RNF220: variants seen among roughly 807,000 people sequenced by gnomAD.
RNF220 encodes the protein E3 ubiquitin-protein ligase RNF220.
In RNF220, 7 loss-of-function variants were observed where a neutral mutation model predicts 67.1. The observed-to-expected ratio is 0.10, with a 90% CI of 0.06 to 0.20. The LOEUF is 0.20. Ranked by LOEUF, RNF220 falls within the 10% of genes least tolerant of loss-of-function variation. The pLI is 1.00. For synonymous variants in RNF220, 270 were observed against 283.2 expected, an observed-to-expected ratio of 0.95 and a Z score of 0.47; for missense variants, 565 against 740.3, an observed-to-expected ratio of 0.76 and a Z score of 2.75.
At chr1:44,497,386 C>G (rs1328120434) in intron 2 of RNF220, among the ~76,000 whole-genome samples, 1 of 151,532 alleles carries the variant, frequency 6.6e-6, no homozygotes, top group Non-Finnish European at 1.5e-5. Context: ...TTGTTAATAC[C>G]TGGTCATTCT....
chr1:44,434,032 C>T (rs981720619), intron 2 of RNF220, among the ~76,000 whole-genome samples: 1 of 151,964 alleles, frequency 6.6e-6, no homozygotes, highest in African/African-American at 2.4e-5. Flanking sequence ...ATTAAAGAAT[C>T]AAGAAAAGTA....
At chr1:44,644,327 CT>C in intron 8 of RNF220, 1 of 210,386 alleles carries the variant, frequency 4.8e-6, no homozygotes, top group South Asian at 7.9e-5. Flanking sequence ...AGGCCCCACT[CT>C]TTTCCTGTGA....
intron 2 of RNF220, among the ~76,000 whole-genome samples, chr1:44,428,824 T>G (rs560273536): frequency 8.5e-4 from 130 of 152,236 alleles, no homozygotes; most frequent in African/African-American, 3.0e-3. Context: ...TCTATTAAGC[T>G]GATTCTTGGT....
chr1:44,414,055 A>T (rs948192366), intron 2 of RNF220, among the ~76,000 whole-genome samples: 1 of 151,986 alleles, frequency 6.6e-6, no homozygotes, highest in Non-Finnish European at 1.5e-5. Context: ...TAAGCCGGAG[A>T]CCTCCCCACT....
chr1:44,410,809 G>T (rs1467065913), intron 1 of RNF220: 2 of 152,078 alleles, frequency 1.3e-5, no homozygotes, highest in African/African-American at 4.8e-5. Context: ...TTTCTATTTC[G>T]TGTATATTTT....
chr1:44,514,279 T>C (rs1659278009), intron 2 of RNF220, among the ~76,000 whole-genome samples: 1 of 152,216 alleles, frequency 6.6e-6, no homozygotes, highest in Non-Finnish European at 1.5e-5. Context: ...AATGGAATTA[T>C]GGAGGGACAG....
chr1:44,512,449 G>C (rs2148128080), intron 2 of RNF220, among the ~76,000 whole-genome samples: 1 of 152,302 alleles, frequency 6.6e-6, no homozygotes, highest in East Asian at 1.9e-4. Context: ...GGAGCTCTGG[G>C]ACCTAGAAGG....
chr1:44,569,999 GC>G (rs1037373142), intron 2 of RNF220, among the ~76,000 whole-genome samples: 39 of 152,284 alleles, frequency 2.6e-4, no homozygotes, highest in Admixed American at 2.4e-3. Flanking sequence ...TCCTATGAAG[GC>G]CCCTAGAGAC....
intron 2 of RNF220, among the ~76,000 whole-genome samples, chr1:44,524,963 GA>G (rs1357478954): frequency 2.7e-5 from 4 of 150,556 alleles, no homozygotes; most frequent in African/African-American, 7.4e-5. Flanking sequence ...TTCAGCTGGT[GA>G]AAAAAAGGAA....
intron 2 of RNF220, among the ~76,000 whole-genome samples, chr1:44,579,863 T>C (rs1212569575): frequency 4.6e-5 from 7 of 151,482 alleles, no homozygotes; most frequent in African/African-American, 1.4e-4. Context: ...AATCCATCTC[T>C]ATAAAAAATA....
chr1:44,424,196 T>A (rs1347994241), intron 2 of RNF220: 1 of 208,010 alleles, frequency 4.8e-6, no homozygotes, highest in Non-Finnish European at 8.4e-6. Context: ...TAACAGACAG[T>A]AAGGGCACTA....
At chr1:44,494,406 AT>A (rs1657143636) in intron 2 of RNF220, among the ~76,000 whole-genome samples, 1 of 152,310 alleles carries the variant, frequency 6.6e-6, no homozygotes, top group Admixed American at 6.5e-5. Flanking sequence ...ATGAAATAGC[AT>A]TTGCAGCATT....
intron 2 of RNF220, among the ~76,000 whole-genome samples, chr1:44,448,510 T>C (rs1652335814): frequency 6.6e-6 from 1 of 152,236 alleles, no homozygotes; most frequent in Admixed American, 6.5e-5. Flanking sequence ...GCTGCAACTT[T>C]CTGATGCCTG....
At chr1:44,627,961 C>G (rs1005393523) in intron 5 of RNF220, among the ~76,000 whole-genome samples, 1 of 152,242 alleles carries the variant, frequency 6.6e-6, no homozygotes, top group Non-Finnish European at 1.5e-5. Flanking sequence ...GGGACTCAAA[C>G]TGCATAGCCC....
intron 2 of RNF220, among the ~76,000 whole-genome samples, chr1:44,539,455 G>A (rs1044096808): frequency 2.0e-5 from 3 of 151,954 alleles, no homozygotes; most frequent in South Asian, 2.1e-4. Context: ...GCCACTCTAC[G>A]TGCCATGCAC....
intron 2 of RNF220, among the ~76,000 whole-genome samples, chr1:44,570,026 C>T (rs186053511): frequency 3.6e-4 from 55 of 152,250 alleles, no homozygotes; most frequent in Non-Finnish European, 6.5e-4. Flanking sequence ...CCAGAGAAGG[C>T]GCTGCCCCTA....
At chr1:44,648,729 A>T (rs1211439208) in intron 12 of RNF220, 1 of 152,274 alleles carries the variant, frequency 6.6e-6, no homozygotes, top group Non-Finnish European at 1.5e-5. Context: ...TAGTCCCTGC[A>T]TCTGTCCCCC....
rs912329694 is a variant in RNF220, at chr1:44,548,632, T to C, written c.626-65533T>C. 3.9e-5 allele frequency among the ~76,000 whole-genome samples: 6 copies of C among 152,306 alleles called. No individual in the cohort carries two copies. The East Asian group carries it at 1.2e-3, about 29-fold the overall frequency. ...CCTCAGCCTCCCTTGTAGCTAGGAC[T>C]ACAGGTACCACATCTGGCTTAATTT... is the stretch of plus-strand genomic sequence containing the variant. On this transcript the variant is annotated intron_variant, in intron 2 of 14. Coordinates refer to ENST00000361799, the MANE Select transcript of RNF220 (RefSeq NM_018150.4).
At chr1:44,476,395 C>T (rs538439334) in intron 2 of RNF220, among the ~76,000 whole-genome samples, 15 of 152,044 alleles carry the variant, frequency 9.9e-5, no homozygotes, top group Admixed American at 2.6e-4. Flanking sequence ...TAGAAAAGTA[C>T]GGAGATTAAA....
Sources: gnomAD v4.1 joint callset for allele counts (sites outside exome capture counted in the v4.1 genomes callset) on GRCh38, gnomAD v4.1.1 for gene constraint, MANE v1.5 for transcripts, NCBI Gene and HGNC (gene_info 2026-07-23, HGNC 2026-07-21) for gene names.